The following IL3RA variants were observed in gnomAD, a reference collection of about 807,000 sequenced individuals.
IL3RA encodes the protein interleukin-3 receptor subunit alpha.
IL3RA carries 73 observed loss-of-function variants against 52.3 expected under a neutral mutation model. That is an observed-to-expected ratio of 1.40 (90% CI 1.16 to 1.70). The LOEUF (loss-of-function observed/expected upper bound fraction) is 1.70. Ranked by LOEUF, IL3RA falls within the 40% of genes most tolerant of loss-of-function variation. The probability of loss-of-function intolerance (pLI) is 0.00; values close to 1 mark genes in which losing one functional copy is unlikely to be tolerated. For missense variants in IL3RA, 664 were observed against 504.4 expected, an observed-to-expected ratio of 1.32 and a Z score of -3.03; for synonymous variants, 260 against 194.0, an observed-to-expected ratio of 1.34 and a Z score of -2.83.
chrX:1,340,093 C>A (rs1285843944), intron 1 of IL3RA, among the ~76,000 whole-genome samples: 2 of 149,340 alleles, frequency 1.3e-5, no homozygotes, highest in African/African-American at 4.9e-5. Context: ...ACCCCCAGGG[C>A]AGCAACTCTT....
intron 9 of IL3RA, among the ~76,000 whole-genome samples, chrX:1,367,728 CGGGTGAGCG>C (rs1445172051): frequency 7.5e-5 from 3 of 40,244 alleles, no homozygotes; most frequent in South Asian, 1.6e-3. Context: ...CGGGGTGCGC[CGGGTGAGCG>C]GGGTGCGCGG....
chrX:1,353,488 G>C (rs1184054032), intron 6 of IL3RA, among the ~76,000 whole-genome samples: 1 of 77,388 alleles, frequency 1.3e-5, no homozygotes, highest in Non-Finnish European at 2.7e-5. Context: ...TCCATCATGA[G>C]TCATGGGACC....
At position 1,378,721 on chromosome X, in the gene IL3RA, G is replaced by C. The variant is rs758288078; in HGVS notation, c.937G>C (p.Gly313Arg). ...AWRTSLLIAL[G>R]TLLALVCVFV... Reference sequence around the variant, plus strand: ...GCGGACGTCGCTGCTGATCGCGCTGGGGACGCTGCTGGCCCTGGTCTGTGT... The same window carrying C: ...GCGGACGTCGCTGCTGATCGCGCTGCGGACGCTGCTGGCCCTGGTCTGTGT... Residue 313 changes from glycine (G) to arginine (R), a missense_variant, in exon 10 of 12, where the codon GGG becomes CGG. Coordinates refer to ENST00000331035, the MANE Select transcript of IL3RA (RefSeq NM_002183.4). 1.9e-6 allele frequency: 3 copies of C among 1,612,494 alleles called. No homozygotes were observed. The highest frequency in any genetic ancestry group is 1.9e-4 in the Middle Eastern group (1 of 5,222).
intron 10 of IL3RA, 120 bp downstream of exon 10, chrX:1,378,884 C>T: frequency 2.0e-6 from 2 of 992,522 alleles, no homozygotes; most frequent in Non-Finnish European, 3.0e-6. Context: ...GCTCTGTCTC[C>T]CAGGCTGGAG....
intron 8 of IL3RA, among the ~76,000 whole-genome samples, chrX:1,360,782 C>A (rs1348846400): frequency 6.6e-6 from 1 of 151,952 alleles, no homozygotes; most frequent in Non-Finnish European, 1.5e-5. Flanking sequence ...CCTGCCTCAT[C>A]CTCTCAAAGT....
rs1263828933 is a variant in IL3RA at position 1,348,144 on chromosome X, C to T, written c.184-287C>T. The stretch of plus-strand genomic sequence containing the variant: ...GGCGGATCACATGAGGTCAGGAGTT[C>T]GAGACCAGCCTGACCAACATGGTGA... On this transcript the variant is annotated intron_variant, in intron 3 of 11. Transcript: ENST00000331035. Among the ~76,000 whole-genome samples the T allele has an allele frequency of 3.6e-4, 55 of 150,912 alleles. 1 individual carries two copies. The highest frequency in any genetic ancestry group is 6.8e-3 in the Middle Eastern group (2 of 292).
chrX:1,357,930 G>A (rs1378557691), intron 7 of IL3RA, among the ~76,000 whole-genome samples: 1 of 149,910 alleles, frequency 6.7e-6, no homozygotes, highest in Non-Finnish European at 1.5e-5. Context: ...GTAAAACCCC[G>A]TCTCTACTAA....
At chrX:1,348,969 CTCTCTCTT>C (rs1466671076) in intron 4 of IL3RA, among the ~76,000 whole-genome samples, 2 of 149,048 alleles carry the variant, frequency 1.3e-5, no homozygotes, top group East Asian at 2.0e-4. Context: ...CTTTCTCTCT[CTCTCTCTT>C]TCTCTCTTTC....
intron 9 of IL3RA, among the ~76,000 whole-genome samples, chrX:1,368,318 C>G (rs1395248609): frequency 3.1e-4 from 47 of 152,158 alleles, no homozygotes; most frequent in African/African-American, 1.1e-3. Context: ...GGCACGGTGA[C>G]TCATGCCTGC....
chrX:1,347,185 G>C (rs1391226217), intron 3 of IL3RA, among the ~76,000 whole-genome samples: 1 of 151,344 alleles, frequency 6.6e-6, no homozygotes, highest in East Asian at 1.9e-4. Flanking sequence ...GGTGGCTCAC[G>C]CCTGTCATCC....
intron 2 of IL3RA, among the ~76,000 whole-genome samples, chrX:1,344,890 C>T (rs776194184): frequency 3.0e-4 from 42 of 141,034 alleles, no homozygotes; most frequent in South Asian, 1.8e-3. Flanking sequence ...TGACCTGGTG[C>T]GGTGGCTCAT....
chrX:1,352,678 T>A (rs767005386), intron 6 of IL3RA, among the ~76,000 whole-genome samples, 172 bp downstream of exon 6: 1 of 152,090 alleles, frequency 6.6e-6, no homozygotes, highest in African/African-American at 2.4e-5. Flanking sequence ...CCTCGGGAGG[T>A]CTCTTCCTGG....
chrX:1,336,850 A>C lies in IL3RA; in HGVS notation c.-115A>C, dbSNP rs1474523283. The C allele has an allele frequency of 1.3e-5, 2 of 152,230 alleles. No homozygotes were observed. The highest frequency in any genetic ancestry group is 2.9e-5 in the Non-Finnish European group (2 of 68,068). 9.4% of individuals were successfully genotyped at this position (152,230 alleles called of 1,614,324 possible). ...GGGAAGATATCAGAAACATCCTAGG[A>C]TCAGGACACCCCAGATCTTCTCAAC... On this transcript the variant is annotated 5_prime_UTR_variant, in exon 1 of 12. Transcript: ENST00000331035.
At chrX:1,377,470 C>G (rs1431287987) in intron 9 of IL3RA, among the ~76,000 whole-genome samples, 20 of 151,944 alleles carry the variant, frequency 1.3e-4, no homozygotes, top group Non-Finnish European at 2.5e-4. Context: ...CTCATACTCC[C>G]GACCTCAGGT....
chrX:1,378,275 C>A (rs1264774429), intron 9 of IL3RA, among the ~76,000 whole-genome samples: 1 of 152,166 alleles, frequency 6.6e-6, no homozygotes, highest in African/African-American at 2.4e-5. Context: ...AGCACGCACG[C>A]CAGTGCTGCC....
At chrX:1,353,963 T>A (rs1269117324) in intron 6 of IL3RA, among the ~76,000 whole-genome samples, 1 of 49,350 alleles carries the variant, frequency 2.0e-5, no homozygotes, top group Non-Finnish European at 3.9e-5. Context: ...CCATCATGGG[T>A]CGTGGGACCC....
rs1388929995 is a variant in IL3RA, at chrX:1,365,223, T to G, written c.845T>G (p.Leu282Trp). The G allele has an allele frequency of 3.1e-6, 5 of 1,607,046 alleles. No individual in the cohort carries two copies. In the Admixed American group the frequency reaches 8.4e-5, roughly 27 times the overall value. Reference sequence around the variant, plus strand: ...GCCCGGGAAAGAGTGTATGAATTCTTGAGCGCCTGGAGCACCCCCCAGCGC... The same window carrying G: ...GCCCGGGAAAGAGTGTATGAATTCTGGAGCGCCTGGAGCACCCCCCAGCGC... ...IRARERVYEF[L>W]SAWSTPQRFE... The change falls in exon 9 of 12, where the codon TTG (leucine) becomes TGG (tryptophan). Residue 282 changes from leucine (L) to tryptophan (W), a missense_variant. Transcript: ENST00000331035.
intron 10 of IL3RA, among the ~76,000 whole-genome samples, chrX:1,380,607 GGA>G: frequency 4.6e-5 from 1 of 21,636 alleles, no homozygotes; most frequent in East Asian, 1.4e-3. Context: ...GGAGGAGAGG[GGA>G]GGATGAGTGG....
chrX:1,379,424 G>A (rs1471215520), intron 10 of IL3RA, among the ~76,000 whole-genome samples: 2 of 152,258 alleles, frequency 1.3e-5, no homozygotes, highest in African/African-American at 4.8e-5. Flanking sequence ...CCAAAGTGCT[G>A]GGATTACAGG....
Sources: gnomAD v4.1 joint callset for allele counts (sites outside exome capture counted in the v4.1 genomes callset) on GRCh38, gnomAD v4.1.1 for gene constraint, MANE v1.5 for transcripts, NCBI Gene and HGNC (gene_info 2026-07-23, HGNC 2026-07-21) for gene names.